GNAI2: variants seen among roughly 807,000 people sequenced by gnomAD.
GNAI2 encodes the protein G protein subunit alpha i2, also known as guanine nucleotide-binding protein G(i) subunit alpha-2.
A neutral mutation model predicts 36.8 loss-of-function variants in GNAI2; 4 were observed. The observed-to-expected ratio is 0.11, with a 90% CI of 0.05 to 0.25. The LOEUF (loss-of-function observed/expected upper bound fraction) is 0.25, where lower values mean the gene tolerates loss of function less well. Among genes scored for constraint, GNAI2 ranks in the 10% least tolerant of loss-of-function variants. GNAI2 has a pLI of 1.00. For missense variants in GNAI2, 230 were observed against 481.3 expected, an observed-to-expected ratio of 0.48 and a Z score of 4.89; for synonymous variants, 194 against 194.1, an observed-to-expected ratio of 1.00 and a Z score of 0.01.
chr3:50,252,340 G>A lies in GNAI2; in HGVS notation c.162-57G>A. 6.3e-7 allele frequency: 1 copy of A among 1,583,370 alleles called. No individual in the cohort carries two copies. Among genetic ancestry groups the A allele is most frequent in the Non-Finnish European group, 8.7e-7 (1 of 1,153,690 alleles). ...AAGCAGGTCCCAGTAGCCCCAGGCA[G>A]CCGTGGGAACTCCCAGTGCCCAGGG... is the stretch of plus-strand genomic sequence containing the variant. On this transcript the variant is annotated intron_variant, in intron 2 of 8. Coordinates refer to ENST00000313601, the MANE Select transcript of GNAI2 (RefSeq NM_002070.4). The surrounding 1 kb of genome is among the most constrained non-coding windows in gnomAD (Gnocchi z 4.1).
rs1377745073 is a variant in GNAI2 at position 50,259,354 on chromosome 3, T to C, written c.*1011T>C. The C allele has an allele frequency of 1.2e-5, 2 of 160,562 alleles. No homozygotes were observed. Among genetic ancestry groups the C allele is most frequent in the East Asian group, 1.8e-4 (1 of 5,448 alleles). 9.9% of individuals were successfully genotyped at this position (160,562 alleles called of 1,614,324 possible). On this transcript the variant is annotated 3_prime_UTR_variant, in exon 9 of 9. Coordinates refer to ENST00000313601, the MANE Select transcript of GNAI2 (RefSeq NM_002070.4). Reference sequence around the variant, plus strand: ...TAATAAAATGTAGAAAGAAAAAAAATACCGAGAACTGATGGGTATTCTCTC... The same window carrying C: ...TAATAAAATGTAGAAAGAAAAAAAACACCGAGAACTGATGGGTATTCTCTC...
At chr3:50,240,564 G>T (rs1328329844) in intron 1 of GNAI2, among the ~76,000 whole-genome samples, 1 of 152,128 alleles carries the variant, frequency 6.6e-6, no homozygotes, top group Non-Finnish European at 1.5e-5. Context: ...TGGGGGCAGA[G>T]TGCCTCCCTG....
chr3:50,231,494 G>T (rs1553699794), upstream of GNAI2, among the ~76,000 whole-genome samples: 1 of 152,238 alleles, frequency 6.6e-6, no homozygotes, highest in Non-Finnish European at 1.5e-5. Context: ...GGCCAGGATA[G>T]TCGATCTCTT....
chr3:50,244,612 G>A (rs1700372865), intron 1 of GNAI2, among the ~76,000 whole-genome samples: 1 of 152,140 alleles, frequency 6.6e-6, no homozygotes, highest in East Asian at 1.9e-4. Context: ...GTGCACGTAC[G>A]GTACTGTGTG....
At position 50,253,203 on chromosome 3, in the gene GNAI2, TG is replaced by T; in HGVS notation, c.464+22del. 1 of 1,587,546 alleles carries T rather than the reference TG, an allele frequency of 6.3e-7. No individual in the cohort carries two copies. Among genetic ancestry groups the T allele is most frequent in the South Asian group, 1.1e-5 (1 of 90,206 alleles). On this transcript the variant is annotated intron_variant, in intron 4 of 8. Transcript: ENST00000313601. This position sits in a 1 kb window ranked among gnomAD's most constrained non-coding sequence, Gnocchi z 4.2. ...CTGCCTAGTGAGTGCTCTGAGGGGCTGGGCAGGGCAGGGCAGGGGCTGGGGG... is the reference window on the plus strand; with the variant it reads ...CTGCCTAGTGAGTGCTCTGAGGGGCTGGCAGGGCAGGGCAGGGGCTGGGGG...
Position 50,252,304 on chromosome 3 carries a change from T to G in GNAI2, c.162-93T>G. On this transcript the variant is annotated intron_variant, in intron 2 of 8. Coordinates refer to ENST00000313601, the MANE Select transcript of GNAI2 (RefSeq NM_002070.4). The surrounding 1 kb of genome is among the most constrained non-coding windows in gnomAD (Gnocchi z 4.1). ...GGTCCCAGTGGGTCAGGGGCAGTTT[T>G]CCCTTCTCTGAAGCAGGTCCCAGTA... 2.0e-6 allele frequency: 3 copies of G among 1,477,566 alleles called. No individual in the cohort carries two copies. The highest frequency in any genetic ancestry group is 2.8e-6 in the Non-Finnish European group (3 of 1,062,130). 91.5% of individuals were successfully genotyped at this position (1,477,566 alleles called of 1,614,324 possible).
At chr3:50,231,085 T>C in intron 1 of GNAI2, 1 of 232,562 alleles carries the variant, frequency 4.3e-6, no homozygotes, top group Non-Finnish European at 7.1e-6. Flanking sequence ...TACCTTTGCA[T>C]GTACTCTTCC....
chr3:50,249,530 C>T (rs1479917942), intron 1 of GNAI2, among the ~76,000 whole-genome samples: 2 of 152,178 alleles, frequency 1.3e-5, no homozygotes, highest in African/African-American at 4.8e-5. Flanking sequence ...AGTGAAGATA[C>T]TGGGCCCGGC....
rs1553703611 is a variant in GNAI2, at chr3:50,258,503, G to C, written c.*160G>C. On this transcript the variant is annotated 3_prime_UTR_variant, in exon 9 of 9. Coordinates refer to ENST00000313601, the MANE Select transcript of GNAI2 (RefSeq NM_002070.4). ...AGCTCCCCCTGTCCCCTCAGCTCCAGACGTAGGGGAGGGGTTGCCACAGGC... is the reference window on the plus strand; with the variant it reads ...AGCTCCCCCTGTCCCCTCAGCTCCACACGTAGGGGAGGGGTTGCCACAGGC... The C allele has an allele frequency of 6.0e-6, 1 of 165,368 alleles. No individual in the cohort carries two copies. Among genetic ancestry groups the C allele is most frequent in the Non-Finnish European group, 1.3e-5 (1 of 75,690 alleles). 10.2% of individuals were successfully genotyped at this position (165,368 alleles called of 1,614,324 possible).
At chr3:50,235,829 T>C (rs1700152017), upstream of GNAI2, 1 of 152,134 alleles carries the variant, frequency 6.6e-6, no homozygotes, top group Non-Finnish European at 1.5e-5. Context: ...TGGTTCCTGC[T>C]CTGCCCTCGA....
upstream of GNAI2, among the ~76,000 whole-genome samples, chr3:50,234,262 G>A (rs587775710): frequency 7.9e-5 from 12 of 151,338 alleles, no homozygotes; most frequent in South Asian, 2.3e-3. Flanking sequence ...AAAATACACC[G>A]TGTTAGCCAG....
At chr3:50,227,350 C>A (rs946724068), upstream of GNAI2, 1 of 412,332 alleles carries the variant, frequency 2.4e-6, no homozygotes, top group Non-Finnish European at 4.3e-6. This position sits in a 1 kb window ranked among gnomAD's most constrained non-coding sequence, Gnocchi z 5.9. Flanking sequence ...AGTGGCAGGT[C>A]GGCGGAGGCG....
chr3:50,244,921 G>GTCC (rs1700381403), intron 1 of GNAI2, among the ~76,000 whole-genome samples: 1 of 152,102 alleles, frequency 6.6e-6, no homozygotes, highest in Non-Finnish European at 1.5e-5. Context: ...GTCCCAGAGG[G>GTCC]TCCAGTTCCT....
intron 8 of GNAI2, chr3:50,257,956 T>C: frequency 2.5e-6 from 1 of 393,962 alleles, no homozygotes; most frequent in East Asian, 3.8e-5. Flanking sequence ...GGGCCTGGCC[T>C]TGCCCTGGGA....
chr3:50,233,899 T>TC (rs1553700018), upstream of GNAI2, among the ~76,000 whole-genome samples: 1 of 147,924 alleles, frequency 6.8e-6, no homozygotes. Flanking sequence ...GTTCTTTTTT[T>TC]TTTTTTTTTT....
chr3:50,231,316 G>A (rs1700061754), upstream of GNAI2, among the ~76,000 whole-genome samples: 1 of 152,238 alleles, frequency 6.6e-6, no homozygotes, highest in Non-Finnish European at 1.5e-5. Flanking sequence ...GTCTACCTCT[G>A]TTGCCGGGCT....
chr3:50,227,682 C>A (rs1700000999), upstream of GNAI2, among the ~76,000 whole-genome samples: 6 of 152,138 alleles, frequency 3.9e-5, no homozygotes, highest in Admixed American at 3.9e-4. This position sits in a 1 kb window ranked among gnomAD's most constrained non-coding sequence, Gnocchi z 5.9. Context: ...GGTGAGAGAA[C>A]CTGGGGGAGG....
rs2109216604 is a variant in GNAI2, at chr3:50,255,353, G to A, written c.465-839G>A. Among the ~76,000 whole-genome samples, 1 of 152,314 alleles carries A rather than the reference G, an allele frequency of 6.6e-6. No homozygotes were observed. Among genetic ancestry groups the A allele is most frequent in the South Asian group, 2.1e-4 (1 of 4,826 alleles). ...GTAATGAGGAGCCCCTGGGACCCCTGCCAAGCAGGTGTCTGTGCCCTCCCC... is the reference window on the plus strand; with the variant it reads ...GTAATGAGGAGCCCCTGGGACCCCTACCAAGCAGGTGTCTGTGCCCTCCCC... On this transcript the variant is annotated intron_variant, in intron 4 of 8. Transcript: ENST00000313601. The surrounding 1 kb of genome is among the most constrained non-coding windows in gnomAD (Gnocchi z 4.0).
intron 4 of GNAI2, 118 bp from the exon 5 acceptor site, chr3:50,256,072 AAG>A: frequency 6.0e-4 from 256 of 425,268 alleles, no homozygotes; most frequent in South Asian, 2.2e-3. Context: ...AAAAAAAAAA[AAG>A]CAAGGGCTGT....
Sources: allele counts gnomAD v4.1 joint callset (sites outside exome capture counted in the v4.1 genomes callset), GRCh38; gene constraint gnomAD v4.1.1; non-coding constraint Gnocchi (gnomAD v3.1); transcripts MANE v1.5; gene names NCBI Gene and HGNC (gene_info 2026-07-23, HGNC 2026-07-21).